NFIB: variants seen among roughly 807,000 people sequenced by gnomAD.
NFIB encodes nuclear factor 1 B-type.
A neutral mutation model predicts 61.5 loss-of-function variants in NFIB; 11 were observed. That is an observed-to-expected ratio of 0.18 (90% CI 0.11 to 0.30). The LOEUF is 0.30. NFIB is among the 10% of genes least tolerant of loss of function. The pLI, the probability that NFIB is intolerant of heterozygous loss-of-function variation, is 1.00. For missense variants in NFIB, 471 were observed against 608.9 expected, an observed-to-expected ratio of 0.77 and a Z score of 2.38; for synonymous variants, 260 against 216.5, an observed-to-expected ratio of 1.20 and a Z score of -1.76.
chr9:14,516,531 T>G, the NFIB span, among the ~76,000 whole-genome samples: 3 of 152,228 alleles, frequency 2.0e-5, no homozygotes, highest in African/African-American at 7.2e-5. Flanking sequence ...ACATTTAAGC[T>G]CCTTGGCATT....
intron 2 of NFIB, chr9:14,204,626 A>G: frequency 1.4e-6 from 1 of 710,856 alleles, no homozygotes; most frequent in South Asian, 1.6e-5. Context: ...GGCAAAGGGG[A>G]CCTCCCCACT....
the NFIB span, among the ~76,000 whole-genome samples, chr9:14,517,343 G>T: frequency 6.6e-6 from 1 of 152,186 alleles, no homozygotes; most frequent in Non-Finnish European, 1.5e-5. Context: ...CCTCCAAGGC[G>T]TACCTGCTTT....
At chr9:14,255,408 A>G (rs1442174513) in intron 2 of NFIB, among the ~76,000 whole-genome samples, 2 of 152,244 alleles carry the variant, frequency 1.3e-5, no homozygotes, top group Non-Finnish European at 2.9e-5. Context: ...TGTAGCACAT[A>G]TCAATGACTG....
intron 2 of NFIB, among the ~76,000 whole-genome samples, chr9:14,257,407 C>G (rs2132196247): frequency 1.3e-5 from 2 of 152,266 alleles, no homozygotes; most frequent in South Asian, 4.2e-4. Context: ...TTCCCAATGC[C>G]TAGCTCAGTG....
rs146178341 is a variant in NFIB at position 14,145,823 on chromosome 9, T to C, written c.925+866A>G. On this transcript the variant is annotated intron_variant, in intron 6 of 10. Coordinates refer to ENST00000380953, the MANE Select transcript of NFIB (RefSeq NM_001190737.2). ...ACACCACTATGCTTGGCTTACGTTT[T>C]ATTTTTTTTTTGTAGAGATGGGGTC... Among the ~76,000 whole-genome samples, 533 of 151,872 alleles carry C rather than the reference T, an allele frequency of 3.5e-3. 6 individuals carry two copies. Among genetic ancestry groups the C allele is most frequent in the African/African-American group, 0.012 (491 of 41,390 alleles).
At chr9:14,209,070 A>G (rs1326759079) in intron 2 of NFIB, among the ~76,000 whole-genome samples, 1 of 152,202 alleles carries the variant, frequency 6.6e-6, no homozygotes, top group Non-Finnish European at 1.5e-5. Context: ...CTACAGCAAA[A>G]TTATGTTGCC....
intron 2 of NFIB, among the ~76,000 whole-genome samples, chr9:14,252,230 A>T (rs941685153): frequency 2.2e-4 from 34 of 152,208 alleles, no homozygotes; most frequent in South Asian, 6.2e-4. Context: ...TGGCTGGTGG[A>T]CTCTGTTTTC....
At chr9:14,315,592 G>C (rs1174750248), upstream of NFIB, among the ~76,000 whole-genome samples, 4 of 144,994 alleles carry the variant, frequency 2.8e-5, no homozygotes, top group African/African-American at 7.4e-5. Flanking sequence ...CAGAGGCTGC[G>C]GGCCCTGAGC....
intron 3 of NFIB, among the ~76,000 whole-genome samples, chr9:14,159,504 C>G (rs1046433887): frequency 6.6e-6 from 1 of 152,126 alleles, no homozygotes; most frequent in African/African-American, 2.4e-5. Context: ...GGAACAGGGA[C>G]AGGTGAGAAT....
intron 2 of NFIB, among the ~76,000 whole-genome samples, chr9:14,252,726 C>G (rs1376377653): frequency 6.6e-6 from 1 of 152,064 alleles, no homozygotes; most frequent in Non-Finnish European, 1.5e-5. Flanking sequence ...AGAACAAGAT[C>G]ACGAGAACAG....
At chr9:14,337,905 T>G (rs551236303) in intron 1 of NFIB, among the ~76,000 whole-genome samples, 3 of 152,336 alleles carry the variant, frequency 2.0e-5, no homozygotes, top group African/African-American at 4.8e-5. Context: ...GCTTATGAAT[T>G]CTATGTTTTG....
intron 5 of NFIB, among the ~76,000 whole-genome samples, 185 bp from the exon 6 acceptor site, chr9:14,146,992 T>C (rs1223352690): frequency 2.0e-5 from 3 of 152,152 alleles, no homozygotes; most frequent in Non-Finnish European, 2.9e-5. Context: ...GCATATACCA[T>C]TTATTAGACC....
the NFIB span, among the ~76,000 whole-genome samples, chr9:14,464,861 G>C: frequency 1.3e-5 from 2 of 152,144 alleles, no homozygotes; most frequent in African/African-American, 4.8e-5. Flanking sequence ...TCCTGTGAAA[G>C]ATGGAGTTGT....
chr9:14,427,937 G>GTTTTTTTTTTTGTTTTTTT, the NFIB span, among the ~76,000 whole-genome samples: 1 of 43,384 alleles, frequency 2.3e-5, no homozygotes, highest in Non-Finnish European at 4.4e-5. Flanking sequence ...TAATTCAGTT[G>GTTTTTTTTTTTGTTTTTTT]TTTTTTTTTT....
chr9:14,381,389 C>T (rs1229547378), intron 1 of NFIB, among the ~76,000 whole-genome samples: 1 of 152,000 alleles, frequency 6.6e-6, no homozygotes, highest in African/African-American at 2.4e-5. Flanking sequence ...CGGGGTTTTA[C>T]CATGTTGCCT....
intron 2 of NFIB, among the ~76,000 whole-genome samples, chr9:14,227,802 G>A (rs942761111): frequency 7.9e-5 from 12 of 152,068 alleles, no homozygotes; most frequent in African/African-American, 2.7e-4. Context: ...GTTTAATAAC[G>A]TGCCCAAGTT....
At chr9:14,458,986 T>C in the NFIB span, among the ~76,000 whole-genome samples, 34,180 of 152,080 alleles carry the variant, frequency 0.22, 4,054 homozygotes, top group East Asian at 0.33. Flanking sequence ...CGAGCTACGA[T>C]GACTTTCTTC....
At chr9:14,435,265 T>C in the NFIB span, among the ~76,000 whole-genome samples, 545 of 152,322 alleles carry the variant, frequency 3.6e-3, 2 homozygotes, top group African/African-American at 0.013. Flanking sequence ...AAAGAGGACA[T>C]AATTGTTTCC....
At chr9:14,423,851 T>C in the NFIB span, among the ~76,000 whole-genome samples, 460 of 152,324 alleles carry the variant, frequency 3.0e-3, 1 homozygote, top group African/African-American at 0.011. Flanking sequence ...TTACACCATA[T>C]GTATTTTTAT....
Sources: allele counts gnomAD v4.1 joint callset (sites outside exome capture counted in the v4.1 genomes callset), GRCh38; gene constraint gnomAD v4.1.1; transcripts MANE v1.5; gene names NCBI Gene and HGNC (gene_info 2026-07-23, HGNC 2026-07-21).